KDM4B: variants seen among roughly 807,000 people sequenced by gnomAD.
KDM4B encodes lysine demethylase 4B.
Under a neutral mutation model 125.2 loss-of-function variants are expected in KDM4B, and 32 were observed. The ratio of observed to expected loss-of-function variants is 0.26; its 90% CI spans 0.19 to 0.34. The LOEUF (loss-of-function observed/expected upper bound fraction) is 0.34, where lower values mean the gene tolerates loss of function less well. Ranked by LOEUF, KDM4B falls within the 10% of genes least tolerant of loss-of-function variation. The pLI is 1.00. For synonymous variants in KDM4B, 721 were observed against 677.9 expected, an observed-to-expected ratio of 1.06 and a Z score of -0.99; for missense variants, 1,190 against 1,577.7, an observed-to-expected ratio of 0.75 and a Z score of 4.16.
chr19:5,086,526 C>T (rs556602397), intron 9 of KDM4B, among the ~76,000 whole-genome samples: 53 of 152,336 alleles, frequency 3.5e-4, no homozygotes, highest in African/African-American at 1.0e-3. Context: ...CTTCGCCCCG[C>T]GGAGTTGAGT....
At chr19:4,983,599 G>A (rs1279504446) in intron 1 of KDM4B, among the ~76,000 whole-genome samples, 4 of 152,164 alleles carry the variant, frequency 2.6e-5, no homozygotes, top group East Asian at 1.9e-4. Context: ...CTCTGGCATC[G>A]CAGCTGGTGG....
At chr19:5,051,544 G>A (rs2037223854) in intron 6 of KDM4B, among the ~76,000 whole-genome samples, 1 of 152,274 alleles carries the variant, frequency 6.6e-6, no homozygotes, top group South Asian at 2.1e-4. Flanking sequence ...GACGTCGTGA[G>A]CTGATGGGAC....
At chr19:5,019,754 C>G (rs374353262) in intron 2 of KDM4B, among the ~76,000 whole-genome samples, 8 of 118,240 alleles carry the variant, frequency 6.8e-5, no homozygotes, top group African/African-American at 2.1e-4. Context: ...TGTTGGTGTG[C>G]AGGTATTGGT....
intron 15 of KDM4B, 38 bp downstream of exon 15, chr19:5,135,599 C>T: frequency 6.6e-7 from 1 of 1,511,290 alleles, no homozygotes; most frequent in Non-Finnish European, 8.9e-7. Context: ...GCTGCGCCCT[C>T]CTTCAGGGTG....
At chr19:5,036,950 G>A (rs553748548) in intron 3 of KDM4B, among the ~76,000 whole-genome samples, 69 of 152,322 alleles carry the variant, frequency 4.5e-4, no homozygotes, top group African/African-American at 8.2e-4. Flanking sequence ...GTGTGGCTCC[G>A]TGTGTGCGGC....
Position 5,144,242 on chromosome 19 carries a change from T to C in KDM4B, c.2737-6T>C, listed in dbSNP as rs200072189. 8.2e-4 allele frequency: 1,263 copies of C among 1,541,328 alleles called. 14 individuals carry two copies. In the East Asian group the frequency reaches 0.023, roughly 29 times the overall value. ...ACCGCCCCCCACACCCTCCGCACCC[T>C]CCCAGGTCCAACTCCTGAGGGCCGT... is the stretch of plus-strand genomic sequence containing the variant. On this transcript the variant is annotated splice_region_variant and splice_polypyrimidine_tract_variant and intron_variant, in intron 19 of 22. Coordinates refer to ENST00000159111, the MANE Select transcript of KDM4B (RefSeq NM_015015.3).
At chr19:5,100,579 C>T (rs1174475490) in intron 9 of KDM4B, among the ~76,000 whole-genome samples, 1 of 152,092 alleles carries the variant, frequency 6.6e-6, no homozygotes, top group African/African-American at 2.4e-5. Context: ...AGGTGTGTGC[C>T]ACCACACTGG....
At chr19:5,139,296 G>C (rs951049313) in intron 18 of KDM4B, among the ~76,000 whole-genome samples, 6 of 152,130 alleles carry the variant, frequency 3.9e-5, no homozygotes, top group African/African-American at 1.2e-4. Context: ...TCCTGGCTCA[G>C]TGATGTGCCA....
At chr19:5,077,654 G>A (rs1277551276) in intron 8 of KDM4B, 184 bp downstream of exon 8, 10 of 576,806 alleles carry the variant, frequency 1.7e-5, no homozygotes, top group Middle Eastern at 4.3e-4. Flanking sequence ...ACGGGGAAGC[G>A]AAGATGGCAG....
At chr19:5,026,472 A>G (rs369818791) in intron 2 of KDM4B, among the ~76,000 whole-genome samples, 1 of 152,136 alleles carries the variant, frequency 6.6e-6, no homozygotes, top group Admixed American at 6.5e-5. Flanking sequence ...TGTGTGCTGC[A>G]GTGTCTGGCC....
At chr19:5,143,881 G>T (rs1161048060) in intron 18 of KDM4B, 86 bp from the exon 19 acceptor site, 3 of 1,097,048 alleles carry the variant, frequency 2.7e-6, no homozygotes, top group Admixed American at 4.5e-5. Flanking sequence ...TCCCTTGAAG[G>T]CTGTGCCGGG....
intron 8 of KDM4B, among the ~76,000 whole-genome samples, chr19:5,079,729 T>C (rs377202065): frequency 2.6e-5 from 4 of 152,210 alleles, no homozygotes; most frequent in African/African-American, 9.7e-5. Flanking sequence ...TACTTTACTT[T>C]CTTAACTTTT....
intron 1 of KDM4B, among the ~76,000 whole-genome samples, chr19:4,983,044 T>C (rs898776777): frequency 5.9e-5 from 9 of 152,250 alleles, no homozygotes; most frequent in South Asian, 2.1e-4. Flanking sequence ...TGTATTGTAT[T>C]GAACCCAGTA....
At chr19:5,138,194 G>C in intron 18 of KDM4B, 124 bp downstream of exon 18, 1 of 702,606 alleles carries the variant, frequency 1.4e-6, no homozygotes, top group Non-Finnish European at 2.4e-6. Context: ...TGGGGGTGGT[G>C]GGCAGCTTTC....
intron 1 of KDM4B, among the ~76,000 whole-genome samples, chr19:4,986,677 A>C (rs2034843008): frequency 6.6e-6 from 1 of 152,324 alleles, no homozygotes; most frequent in East Asian, 1.9e-4. Context: ...GGGAACAGGG[A>C]GGGCCTCTCC....
At chr19:5,137,515 A>C in intron 16 of KDM4B, 106 bp from the exon 17 acceptor site, 1 of 1,302,102 alleles carries the variant, frequency 7.7e-7, no homozygotes, top group Non-Finnish European at 1.1e-6. Context: ...TGCTAGGTTG[A>C]AATATAAGGG....
At chr19:5,086,806 A>G (rs1235742043) in intron 9 of KDM4B, among the ~76,000 whole-genome samples, 4 of 152,228 alleles carry the variant, frequency 2.6e-5, no homozygotes, top group Admixed American at 2.6e-4. Context: ...ACTGCCACAG[A>G]TGTGCTGCCA....
rs371477018 is a variant in KDM4B at position 5,137,588 on chromosome 19, C to A, written c.2386-33C>A. 11 of 1,592,954 alleles carry A rather than the reference C, an allele frequency of 6.9e-6. No individual in the cohort carries two copies. In the African/African-American group the frequency reaches 1.3e-4, roughly 19 times the overall value. On this transcript the variant is annotated intron_variant, in intron 16 of 22. Coordinates refer to ENST00000159111, the MANE Select transcript of KDM4B (RefSeq NM_015015.3). ...CAGTGTGTGGGGAGCCTGCTCCGAG[C>A]CCTGCTCATCCAGGGCTGTCTGGTC... is the stretch of plus-strand genomic sequence containing the variant.
intron 7 of KDM4B, chr19:5,075,256 C>T (rs1044337840): frequency 2.6e-5 from 4 of 152,350 alleles, no homozygotes; most frequent in Non-Finnish European, 5.9e-5. Context: ...GGCTTGGGCC[C>T]GTCTGGCTCC....
Sources: gnomAD v4.1 joint callset for allele counts (sites outside exome capture counted in the v4.1 genomes callset) on GRCh38, gnomAD v4.1.1 for gene constraint, MANE v1.5 for transcripts, NCBI Gene and HGNC (gene_info 2026-07-23, HGNC 2026-07-21) for gene names.